Variants in VPS37A observed in about 807,000 individuals in gnomAD.
The protein encoded by VPS37A is VPS37A subunit of ESCRT-I, also known as vacuolar protein sorting-associated protein 37A.
VPS37A carries 30 observed loss-of-function variants against 49.8 expected under a neutral mutation model. That is an observed-to-expected ratio of 0.60 (90% CI 0.45 to 0.82). The LOEUF (loss-of-function observed/expected upper bound fraction) is 0.82. VPS37A is among the 40% of genes least tolerant of loss of function. The pLI, the probability that VPS37A is intolerant of heterozygous loss-of-function variation, is 0.00. For missense variants in VPS37A, 593 were observed against 464.4 expected (o/e 1.28, Z -2.55); for synonymous variants, 195 against 160.6 (o/e 1.21, Z -1.62).
At chr8:17,325,638 C>A in the VPS37A span, among the ~76,000 whole-genome samples, 2 of 152,198 alleles carry the variant, frequency 1.3e-5, no homozygotes, top group African/African-American at 4.8e-5. Context: ...GCTCCACTGT[C>A]AGGCTAAGAT....
intron 1 of VPS37A, 124 bp from the exon 2 acceptor site, chr8:17,265,783 C>A: frequency 6.4e-7 from 1 of 1,550,682 alleles, no homozygotes; most frequent in Non-Finnish European, 8.7e-7. Flanking sequence ...ACAAGTTATG[C>A]TGGCTATCCA....
intron 4 of VPS37A, among the ~76,000 whole-genome samples, chr8:17,269,175 C>T (rs79992850): frequency 1.3e-5 from 2 of 152,078 alleles, no homozygotes; most frequent in Admixed American, 6.6e-5. Context: ...TTCTATCACT[C>T]GATTCTTTCA....
At chr8:17,258,896 A>G (rs1176248864) in intron 1 of VPS37A, among the ~76,000 whole-genome samples, 1 of 152,050 alleles carries the variant, frequency 6.6e-6, no homozygotes, top group Non-Finnish European at 1.5e-5. Context: ...GTTTTTTAGC[A>G]TATAATTCAT....
chr8:17,313,232 A>G, the VPS37A span: 1 of 1,300,528 alleles, frequency 7.7e-7, no homozygotes, highest in Non-Finnish European at 1.1e-6. Context: ...AGGGATACCC[A>G]TTTTGAAGTC....
At chr8:17,300,117 G>C (rs753048428), downstream of VPS37A, 10 of 1,614,000 alleles carry the variant, frequency 6.2e-6, no homozygotes, top group South Asian at 7.7e-5. Context: ...GGGGAGTGTT[G>C]GCTATGCTGT....
chr8:17,293,472 C>G (rs2150433501), intron 11 of VPS37A, among the ~76,000 whole-genome samples: 1 of 152,200 alleles, frequency 6.6e-6, no homozygotes, highest in South Asian at 2.1e-4. Context: ...TCATCAAACT[C>G]ATTCTCAGTC....
chr8:17,247,681 A>G (rs965871853), intron 1 of VPS37A: 18 of 702,990 alleles, frequency 2.6e-5, no homozygotes, highest in Admixed American at 4.0e-5. Context: ...CTTGCTGCCC[A>G]GGCTTCGCCA....
Position 17,275,099 on chromosome 8 carries a change from A to G in VPS37A, c.642+141A>G, listed in dbSNP as rs116288670. The G allele has an allele frequency of 1.1e-3, 869 of 756,012 alleles. 5 individuals carry two copies. In the African/African-American group the frequency reaches 0.014, roughly 12 times the overall value. 46.8% of individuals were successfully genotyped at this position (756,012 alleles called of 1,614,324 possible). ...TGAACTCACATTTTTCAATTCAAGTAACAGGTAACCAACAAATAATAATTT... is the reference window on the plus strand; with the variant it reads ...TGAACTCACATTTTTCAATTCAAGTGACAGGTAACCAACAAATAATAATTT... On this transcript the variant is annotated intron_variant, in intron 5 of 11. Coordinates refer to ENST00000324849, the MANE Select transcript of VPS37A (RefSeq NM_152415.3).
rs1238141779 is a variant in VPS37A, at chr8:17,274,752, G to A, written c.436G>A (p.Gly146Arg). 6.2e-7 allele frequency: 1 copy of A among 1,613,932 alleles called. No individual in the cohort carries two copies. Among genetic ancestry groups the A allele is most frequent in the Admixed American group, 1.7e-5 (1 of 60,012 alleles). The change falls in exon 5 of 12, where the codon GGG becomes AGG. Residue 146 changes from glycine to arginine, a missense_variant. By Grantham distance (125) the Gly-to-Arg change is moderately radical (BLOSUM62 -2). Coordinates refer to ENST00000324849, the MANE Select transcript of VPS37A (RefSeq NM_152415.3). ...AFPYLYSNPS[G>R]MSPYASQGFP... ...TTTCAGTCTATACAGTAACCCAAGT[G>A]GGATGTCTCCTTATGCTTCTCAGGG...
intron 1 of VPS37A, among the ~76,000 whole-genome samples, chr8:17,262,728 A>AAT (rs1361133282): frequency 2.6e-5 from 4 of 152,140 alleles, no homozygotes; most frequent in Non-Finnish European, 1.5e-5. Context: ...TAGCTTAAAT[A>AAT]ATAGTATGAC....
At chr8:17,256,940 C>G (rs1396439453) in intron 1 of VPS37A, among the ~76,000 whole-genome samples, 1 of 152,108 alleles carries the variant, frequency 6.6e-6, no homozygotes, top group Non-Finnish European at 1.5e-5. Flanking sequence ...GATGTAATCC[C>G]ATTTATCTGT....
chr8:17,327,132 T>C, the VPS37A span, among the ~76,000 whole-genome samples: 1 of 152,196 alleles, frequency 6.6e-6, no homozygotes, highest in Non-Finnish European at 1.5e-5. Context: ...TCTTCACATT[T>C]AGTATTTTTC....
chr8:17,286,383 C>G lies in VPS37A; in HGVS notation c.1150C>G (p.Gln384Glu), dbSNP rs1456745806. 1 of 1,613,700 alleles carries G rather than the reference C, an allele frequency of 6.2e-7. No homozygotes were observed. The highest frequency in any genetic ancestry group is 8.5e-7 in the Non-Finnish European group (1 of 1,179,876). Residue 384 changes from glutamine to glutamate, a missense_variant, in exon 11 of 12, where the codon CAG (glutamine) becomes GAG (glutamate). Physicochemically the swap from Gln to Glu is conservative, Grantham distance 29. Transcript: ENST00000324849. ...HCRRAKEEKL[Q>E]QAIAMHSQFH... is the part of the protein sequence containing the mutation. ...TAGAAGAGCCAAGGAAGAGAAACTTCAGCAGGCGATAGCAATGCACAGCCA... is the reference window on the plus strand; with the variant it reads ...TAGAAGAGCCAAGGAAGAGAAACTTGAGCAGGCGATAGCAATGCACAGCCA...
At chr8:17,316,531 G>C in the VPS37A span, among the ~76,000 whole-genome samples, 2 of 150,786 alleles carry the variant, frequency 1.3e-5, no homozygotes, top group South Asian at 4.2e-4. Flanking sequence ...ATTTCTATAA[G>C]TGAAATGGGC....
the VPS37A span, among the ~76,000 whole-genome samples, chr8:17,328,897 G>C: frequency 6.6e-6 from 1 of 152,112 alleles, no homozygotes; most frequent in African/African-American, 2.4e-5. Flanking sequence ...AAAATAGTTT[G>C]GTTGAGACTT....
intron 2 of VPS37A, among the ~76,000 whole-genome samples, chr8:17,266,865 C>T (rs544376169): frequency 6.8e-4 from 104 of 152,172 alleles, no homozygotes; most frequent in African/African-American, 2.4e-3. Context: ...CTCCGCCTCC[C>T]GGGTTCAAGC....
chr8:17,320,599 G>T, the VPS37A span, among the ~76,000 whole-genome samples: 1 of 151,354 alleles, frequency 6.6e-6, no homozygotes, highest in African/African-American at 2.4e-5. Flanking sequence ...AAGTCTTCCT[G>T]TGAATTCAGG....
the VPS37A span, chr8:17,313,230 C>T: frequency 8.1e-7 from 1 of 1,242,200 alleles, no homozygotes; most frequent in Non-Finnish European, 1.2e-6. Flanking sequence ...AGAGGGATAC[C>T]CATTTTGAAG....
rs555686529 is a variant in VPS37A, at chr8:17,272,722, T to C, written c.417-2011T>C. On this transcript the variant is annotated intron_variant, in intron 4 of 11. Transcript: ENST00000324849. ...CATATCACTAATTCCTTCAGATAAA[T>C]TTTAAGATAAAGATGAGCCATCGTT... is the stretch of plus-strand genomic sequence containing the variant. Among the ~76,000 whole-genome samples, 4 of 152,270 alleles carry C rather than the reference T, an allele frequency of 2.6e-5. No individual in the cohort carries two copies. The South Asian group carries it at 8.3e-4, about 32-fold the overall frequency.
Sources: gnomAD v4.1 joint callset for allele counts (sites outside exome capture counted in the v4.1 genomes callset) on GRCh38, gnomAD v4.1.1 for gene constraint, MANE v1.5 for transcripts, NCBI Gene and HGNC (gene_info 2026-07-23, HGNC 2026-07-21) for gene names.